CD4: variants seen among roughly 807,000 people sequenced by gnomAD.
CD4 encodes T-cell surface glycoprotein CD4.
CD4 carries 25 observed loss-of-function variants against 50.5 expected under a neutral mutation model. That is an observed-to-expected ratio of 0.49 (90% CI 0.36 to 0.69). The LOEUF (loss-of-function observed/expected upper bound fraction) is 0.69, where lower values mean the gene tolerates loss of function less well. Ranked by LOEUF, CD4 falls within the 30% of genes least tolerant of loss-of-function variation. The probability of loss-of-function intolerance (pLI) is 0.00; values close to 1 mark genes in which losing one functional copy is unlikely to be tolerated. For missense variants in CD4, 456 were observed against 548.5 expected (o/e 0.83, Z 1.68); for synonymous variants, 207 against 221.9 (o/e 0.93, Z 0.60).
chr12:6,804,769 C>T (rs782794561), intron 3 of CD4, among the ~76,000 whole-genome samples: 2 of 152,178 alleles, frequency 1.3e-5, no homozygotes, highest in East Asian at 3.9e-4. Flanking sequence ...GTAACCCCAA[C>T]ACTTTGGGAG....
chr12:6,803,507 G>A (rs141924965), intron 3 of CD4, among the ~76,000 whole-genome samples: 1,717 of 151,664 alleles, frequency 0.011, 32 homozygotes, highest in African/African-American at 0.039. Context: ...TTGTGGGGCC[G>A]GGCGTGGTGG....
At chr12:6,817,803 G>C (rs1943126371) in intron 7 of CD4, among the ~76,000 whole-genome samples, 1 of 146,424 alleles carries the variant, frequency 6.8e-6, no homozygotes, top group Non-Finnish European at 1.5e-5. Flanking sequence ...CTCACCCCAT[G>C]TACTCACACC....
chr12:6,801,878 C>T (rs1344560629), intron 3 of CD4, among the ~76,000 whole-genome samples: 1 of 114,102 alleles, frequency 8.8e-6, no homozygotes, highest in African/African-American at 3.3e-5. Context: ...TTTTTTTCTA[C>T]TTTTTTTTTT....
At chr12:6,789,749 T>C (rs1046369810) in intron 1 of CD4, 87 bp downstream of exon 1, 5 of 152,264 alleles carry the variant, frequency 3.3e-5, no homozygotes, top group African/African-American at 9.6e-5. Flanking sequence ...TCTGCCCAGT[T>C]GTCTGCCCAC....
intron 1 of CD4, among the ~76,000 whole-genome samples, chr12:6,797,962 C>A (rs1196343716): frequency 6.6e-6 from 1 of 152,018 alleles, no homozygotes; most frequent in Non-Finnish European, 1.5e-5. Context: ...AGCACAGACC[C>A]TTTACGGGTG....
chr12:6,815,115 T>TC (rs1943052356), intron 5 of CD4, 123 bp downstream of exon 5: 2 of 708,864 alleles, frequency 2.8e-6, no homozygotes, highest in Admixed American at 5.7e-5. Flanking sequence ...GAAGACTAGG[T>TC]CCCCTAGAGC....
chr12:6,809,458 T>C (rs1942871158), intron 3 of CD4, among the ~76,000 whole-genome samples: 2 of 151,558 alleles, frequency 1.3e-5, no homozygotes, highest in South Asian at 4.2e-4. Flanking sequence ...ATTGCGCCAC[T>C]GCACCCCAGC....
intron 3 of CD4, among the ~76,000 whole-genome samples, chr12:6,812,890 G>A: frequency 7.1e-4 from 1 of 1,408 alleles, no homozygotes; most frequent in East Asian, 0.071. Context: ...AGTCTCAAGC[G>A]ATCTTGTGCC....
At position 6,819,354 on chromosome 12, in the gene CD4, T is replaced by G; in HGVS notation, c.*25T>G. Reference sequence around the variant, plus strand: ...AGGCACGAGGCCAGGCAGATCCCACTTGCAGCCTCCCCAGGTGTCTGCCCC... The same window carrying G: ...AGGCACGAGGCCAGGCAGATCCCACGTGCAGCCTCCCCAGGTGTCTGCCCC... On this transcript the variant is annotated 3_prime_UTR_variant, in exon 10 of 10. Transcript: ENST00000011653. 1 of 1,612,650 alleles carries G rather than the reference T, an allele frequency of 6.2e-7. No homozygotes were observed. Among genetic ancestry groups the G allele is most frequent in the South Asian group, 1.1e-5 (1 of 91,046 alleles).
At chr12:6,790,807 C>T (rs775950035) in intron 1 of CD4, among the ~76,000 whole-genome samples, 1 of 152,206 alleles carries the variant, frequency 6.6e-6, no homozygotes, top group Non-Finnish European at 1.5e-5. Flanking sequence ...TCCCTCAAAA[C>T]GGAAAGGCCC....
intron 3 of CD4, among the ~76,000 whole-genome samples, chr12:6,811,870 T>TA (rs1251386708): frequency 1.3e-5 from 2 of 152,092 alleles, no homozygotes; most frequent in East Asian, 1.9e-4. Context: ...AGTGCAGTGT[T>TA]ACAATCATAG....
Position 6,818,425 on chromosome 12 carries a change from G to C in CD4, c.1161G>C (p.Leu387=), listed in dbSNP as rs782476856. The change falls in exon 8 of 10, where the codon CTG becomes CTC. Residue 387 remains leucine, a synonymous_variant. Coordinates refer to ENST00000011653, the MANE Select transcript of CD4 (RefSeq NM_000616.5). The surrounding 1 kb of genome is among the most constrained non-coding windows in gnomAD (Gnocchi z 5.0). ...QVLLESNIKV[L]PTWSTPVQPM... is the part of the protein sequence containing the mutation. ...GCACATTTCTCTCCCTTGCAGTTCT[G>C]CCCACATGGTCCACCCCGGTGCAGC... is the stretch of plus-strand genomic sequence containing the variant. The C allele has an allele frequency of 6.2e-7, 1 of 1,612,328 alleles. No individual in the cohort carries two copies. Among genetic ancestry groups the C allele is most frequent in the African/African-American group, 1.3e-5 (1 of 74,924 alleles).
rs554192548 is a variant in CD4 at position 6,798,408 on chromosome 12, A to G, written c.-67-1664A>G. ...AGGATGGTCTCGATCTCCTGACCTC[A>G]TGATCCGCCCGCCTTGGCCTCCCAA... On this transcript the variant is annotated intron_variant, in intron 1 of 9. Transcript: ENST00000011653. Among the ~76,000 whole-genome samples, 56 of 89,604 alleles carry G rather than the reference A, an allele frequency of 6.2e-4. 9 individuals carry two copies. Among genetic ancestry groups the G allele is most frequent in the Non-Finnish European group, 3.1e-4 (11 of 35,812 alleles). 58.8% of individuals were successfully genotyped at this position (89,604 alleles called of 152,430 possible).
intron 1 of CD4, among the ~76,000 whole-genome samples, chr12:6,790,156 A>C (rs1011575941): frequency 6.6e-6 from 1 of 152,066 alleles, no homozygotes; most frequent in Non-Finnish European, 1.5e-5. Context: ...AAAACAAGAA[A>C]AAGAGCAAAA....
At chr12:6,802,049 T>C (rs972955792) in intron 3 of CD4, among the ~76,000 whole-genome samples, 21 of 151,448 alleles carry the variant, frequency 1.4e-4, no homozygotes, top group African/African-American at 4.9e-4. Flanking sequence ...AATTTGCGTA[T>C]TTTTAGTAGA....
rs141136292 is a variant in CD4 at position 6,818,265 on chromosome 12, A to G, written c.1157-156A>G. Reference sequence around the variant, plus strand: ...TGCCCAAACATAAAACCGATTCCCCAGCACTGGCGGCCTTTGAGAGCCCCC... The same window carrying G: ...TGCCCAAACATAAAACCGATTCCCCGGCACTGGCGGCCTTTGAGAGCCCCC... On this transcript the variant is annotated intron_variant, in intron 7 of 9. Coordinates refer to ENST00000011653, the MANE Select transcript of CD4 (RefSeq NM_000616.5). The surrounding 1 kb of genome is among the most constrained non-coding windows in gnomAD (Gnocchi z 5.0). 7.9e-5 allele frequency among the ~76,000 whole-genome samples: 12 copies of G among 152,286 alleles called. No homozygotes were observed. The highest frequency in any genetic ancestry group is 6.8e-3 in the Middle Eastern group (2 of 294).
chr12:6,814,740 C>T lies in CD4; in HGVS notation c.374-19C>T. On this transcript the variant is annotated intron_variant, in intron 4 of 9. Coordinates refer to ENST00000011653, the MANE Select transcript of CD4 (RefSeq NM_000616.5). ...TGGGGATGGTATGTGTGTGACACAG[C>T]TGGCCTTTCCCTCCACAGTGACTGC... is the stretch of plus-strand genomic sequence containing the variant. 2 of 1,572,730 alleles carry T rather than the reference C, an allele frequency of 1.3e-6. No homozygotes were observed. The highest frequency in any genetic ancestry group is 4.5e-5 in the East Asian group (2 of 44,608).
Position 6,805,427 on chromosome 12 carries a change from GT to G in CD4, c.214+4957del. 2.0e-5 allele frequency among the ~76,000 whole-genome samples: 3 copies of G among 151,880 alleles called. No homozygotes were observed. The South Asian group carries it at 6.2e-4, about 32-fold the overall frequency. On this transcript the variant is annotated intron_variant, in intron 3 of 9. Coordinates refer to ENST00000011653, the MANE Select transcript of CD4 (RefSeq NM_000616.5). ...AAAATGCAAAAATTAGGCAGGTGTTGTGGCGCATGCCTGATCCCAGCTACTT... is the reference window on the plus strand; with the variant it reads ...AAAATGCAAAAATTAGGCAGGTGTTGGGCGCATGCCTGATCCCAGCTACTT...
At chr12:6,812,219 G>A (rs1240475059) in intron 3 of CD4, among the ~76,000 whole-genome samples, 23 of 152,038 alleles carry the variant, frequency 1.5e-4, no homozygotes, top group African/African-American at 5.6e-4. Context: ...GGGCAACATG[G>A]CAAAACTTGT....
Sources: allele counts gnomAD v4.1 joint callset (sites outside exome capture counted in the v4.1 genomes callset), GRCh38; gene constraint gnomAD v4.1.1; non-coding constraint Gnocchi (gnomAD v3.1); transcripts MANE v1.5; gene names NCBI Gene and HGNC (gene_info 2026-07-23, HGNC 2026-07-21).